The following GNB3 variants were observed in gnomAD, a reference collection of about 807,000 sequenced individuals.
GNB3 encodes the protein guanine nucleotide-binding protein G(I)/G(S)/G(T) subunit beta-3.
GNB3 carries 33 observed loss-of-function variants against 41.2 expected under a neutral mutation model. The ratio of observed to expected loss-of-function variants is 0.80; its 90% confidence interval spans 0.61 to 1.07. GNB3 has a LOEUF of 1.07. GNB3 is among the 50% of genes least tolerant of loss of function. The pLI is 0.00. For synonymous variants in GNB3, 172 were observed against 173.4 expected, an observed-to-expected ratio of 0.99 and a Z score of 0.06; for missense variants, 409 against 455.3, an observed-to-expected ratio of 0.90 and a Z score of 0.92.
chr12:6,846,670 T>TC, intron 9 of GNB3, 122 bp from the exon 10 acceptor site: 1 of 629,370 alleles, frequency 1.6e-6, no homozygotes, highest in Non-Finnish European at 2.9e-6. Flanking sequence ...TGCACACATA[T>TC]CCCCCCACAC....
Position 6,847,257 on chromosome 12 carries a change from G to A in GNB3, c.*359G>A, listed in dbSNP as rs1943725247. On this transcript the variant is annotated 3_prime_UTR_variant, in exon 10 of 10. Transcript: ENST00000229264. ...AGCCACTACCTTTGTCCAGGCCTGGGTGGTATAGGGCGTTTGGCCCTGTGA... is the reference window on the plus strand; with the variant it reads ...AGCCACTACCTTTGTCCAGGCCTGGATGGTATAGGGCGTTTGGCCCTGTGA... The A allele has an allele frequency of 3.5e-6, 1 of 288,894 alleles. No individual in the cohort carries two copies. The highest frequency in any genetic ancestry group is 6.6e-6 in the Non-Finnish European group (1 of 150,478). 17.9% of individuals were successfully genotyped at this position (288,894 alleles called of 1,614,324 possible). A position where few individuals can be genotyped will look rare whatever the true frequency, so the allele number is the denominator to read the frequency against.
At chr12:6,844,916 T>C (rs1555124230) in intron 8 of GNB3, 2 of 152,272 alleles carry the variant, frequency 1.3e-5, no homozygotes, top group African/African-American at 4.8e-5. Context: ...TGTATGATTC[T>C]TAAGATCAGG....
Position 6,840,972 on chromosome 12 carries a change from G to A in GNB3, c.-92G>A, listed in dbSNP as rs1555123225. The A allele has an allele frequency of 4.4e-6, 2 of 451,098 alleles. No individual in the cohort carries two copies. Among genetic ancestry groups the A allele is most frequent in the African/African-American group, 4.1e-5 (2 of 48,480 alleles). The allele number at this position is 451,098 out of a possible 1,614,324, so 27.9% of individuals were successfully genotyped here. On this transcript the variant is annotated 5_prime_UTR_variant, in exon 1 of 10. Coordinates refer to ENST00000229264, the MANE Select transcript of GNB3 (RefSeq NM_002075.4). ...GGCGGGCGCGGGCGTCGCAGCTGAG[G>A]GAGTAAGGAGGCTCCCAGGAACCGG...
At chr12:6,842,887 G>A in intron 3 of GNB3, 83 bp from the exon 4 acceptor site, 2 of 876,588 alleles carry the variant, frequency 2.3e-6, no homozygotes, top group Non-Finnish European at 1.8e-6. Flanking sequence ...CACAGAGCGG[G>A]AACTTGTATA....
intron 8 of GNB3, chr12:6,844,719 C>T (rs1408016270): frequency 6.6e-6 from 1 of 152,222 alleles, no homozygotes; most frequent in Non-Finnish European, 1.5e-5. Context: ...CCACGCCTAG[C>T]CCATTTTATC....
At chr12:6,844,092 T>A in intron 8 of GNB3, 114 bp downstream of exon 8, 1 of 335,336 alleles carries the variant, frequency 3.0e-6, no homozygotes, top group Non-Finnish European at 4.6e-6. Flanking sequence ...TTTCTTACTG[T>A]ATTTTTTTTT....
chr12:6,845,478 C>A, intron 8 of GNB3, 108 bp from the exon 9 acceptor site: 1 of 715,868 alleles, frequency 1.4e-6, no homozygotes, highest in Non-Finnish European at 2.4e-6. Flanking sequence ...GGCAGGGAGG[C>A]TGAGAGCAGC....
chr12:6,845,549 G>A (rs1555124432), intron 8 of GNB3, 37 bp from the exon 9 acceptor site: 3 of 1,478,604 alleles, frequency 2.0e-6, no homozygotes, highest in East Asian at 4.5e-5. Context: ...GGCTGCCCAG[G>A]TCTGATCCCT....
At chr12:6,844,099 T>G in intron 8 of GNB3, 121 bp downstream of exon 8, 1 of 577,952 alleles carries the variant, frequency 1.7e-6, no homozygotes. Context: ...CTGTATTTTT[T>G]TTTTTTTTTT....
chr12:6,843,913 G>T lies in GNB3; in HGVS notation c.634G>T (p.Asp212Tyr). 6.2e-7 allele frequency: 1 copy of T among 1,613,964 alleles called. No individual in the cohort carries two copies. Among genetic ancestry groups the T allele is most frequent in the Non-Finnish European group, 8.5e-7 (1 of 1,180,000 alleles). ...GACDASAKLWDVREGTCRQTF... is the reference protein window; with the variant it reads ...GACDASAKLWYVREGTCRQTF... ...CTGTGATGCCAGTGCCAAGCTCTGG[G>T]ATGTGCGAGAGGGGACCTGCCGTCA... The change falls in exon 8 of 10, where the codon GAT becomes TAT. Residue 212 changes from aspartate to tyrosine, a missense_variant. Asp to Tyr is a radical substitution (Grantham distance 160). Transcript: ENST00000229264. The surrounding 1 kb of genome is among the most constrained non-coding windows in gnomAD (Gnocchi z 5.9).
Position 6,841,014 on chromosome 12 carries a change from G to A in GNB3, c.-50G>A, listed in dbSNP as rs184754650. On this transcript the variant is annotated 5_prime_UTR_variant, in exon 1 of 10. Transcript: ENST00000229264. ...AGGAACCGGAGCTGGAAACCCGGCC[G>A]AGGTCCAGCCAGAGCCCAAGTAAGA... 7.6e-5 allele frequency: 39 copies of A among 511,734 alleles called. No individual in the cohort carries two copies. The Admixed American group carries it at 1.1e-3, about 15-fold the overall frequency. The allele number at this position is 511,734 out of a possible 1,614,324, so 31.7% of individuals were successfully genotyped here. A position where few individuals can be genotyped will look rare whatever the true frequency, so the allele number is the denominator to read the frequency against.
rs1943723616 is a variant in GNB3, at chr12:6,847,203, G to A, written c.*305G>A. The stretch of plus-strand genomic sequence containing the variant: ...GCAGGCCCAGCAGACTTGAGTCTGA[G>A]GCCCCAGGCCCTAGGATTCCTCCCC... On this transcript the variant is annotated 3_prime_UTR_variant, in exon 10 of 10. Coordinates refer to ENST00000229264, the MANE Select transcript of GNB3 (RefSeq NM_002075.4). 1 of 362,724 alleles carries A rather than the reference G, an allele frequency of 2.8e-6. No homozygotes were observed. Among genetic ancestry groups the A allele is most frequent in the Admixed American group, 4.0e-5 (1 of 24,996 alleles). The allele number at this position is 362,724 out of a possible 1,614,324, so 22.5% of individuals were successfully genotyped here.
chr12:6,842,938 C>A (rs148868065), intron 3 of GNB3, 32 bp from the exon 4 acceptor site: 35 of 1,402,118 alleles, frequency 2.5e-5, no homozygotes, highest in Middle Eastern at 3.7e-4. Flanking sequence ...GTAACCTGCT[C>A]ACCCTGATAT....
Position 6,842,958 on chromosome 12 carries a change from C to G in GNB3, c.97-12C>G, listed in dbSNP as rs374659413. On this transcript the variant is annotated splice_polypyrimidine_tract_variant and intron_variant, in intron 3 of 9. Transcript: ENST00000229264. ...CTGCTCACCCTGATATTCAGTGCCC[C>G]TCTCTCTGCAGCTGGTGTCTGGCCT... The G allele has an allele frequency of 6.6e-7, 1 of 1,519,718 alleles. No individual in the cohort carries two copies. The allele number at this position is 1,519,718 out of a possible 1,614,324, so 94.1% of individuals were successfully genotyped here.
intron 3 of GNB3, chr12:6,841,836 C>T (rs1266687480): frequency 4.3e-6 from 3 of 695,258 alleles, no homozygotes; most frequent in African/African-American, 1.8e-5. Flanking sequence ...TTCCTATTCT[C>T]ATCCGTAGAA....
rs1943624936 is a variant in GNB3, at chr12:6,843,831, G to A, written c.552G>A (p.Thr184=). 2 of 1,614,022 alleles carry A rather than the reference G, an allele frequency of 1.2e-6. No individual in the cohort carries two copies. The highest frequency in any genetic ancestry group is 2.2e-5 in the East Asian group (1 of 44,878). The part of the protein sequence containing the change: ...GQQKTVFVGH[T]GDCMSLAVSP... ...AGAAGACTGTATTTGTGGGACACAC[G>A]GGTGACTGCATGAGCCTGGCTGTGT... Residue 184 remains threonine (T), a synonymous_variant, in exon 8 of 10, where the codon ACG becomes ACA. Transcript: ENST00000229264. This position sits in a 1 kb window ranked among gnomAD's most constrained non-coding sequence, Gnocchi z 5.9.
At position 6,843,123 on chromosome 12, in the gene GNB3, G is replaced by A. The variant is rs1943605560; in HGVS notation, c.203+47G>A. On this transcript the variant is annotated intron_variant, in intron 4 of 9. Transcript: ENST00000229264. This position sits in a 1 kb window ranked among gnomAD's most constrained non-coding sequence, Gnocchi z 5.9. ...AGAATGGGAGGGTGAGAGCGGGAGT[G>A]AGGAAGGCGGGAAGGGGAGGCTTGC... is the stretch of plus-strand genomic sequence containing the variant. 3.1e-6 allele frequency: 5 copies of A among 1,606,526 alleles called. No homozygotes were observed. Among genetic ancestry groups the A allele is most frequent in the East Asian group, 4.5e-5 (2 of 44,822 alleles).
At chr12:6,846,754 C>A in intron 9 of GNB3, 38 bp from the exon 10 acceptor site, 2 of 1,224,056 alleles carry the variant, frequency 1.6e-6, no homozygotes, top group Non-Finnish European at 2.4e-6. Context: ...TCCAAATCAG[C>A]TTGGAGAGAC....
chr12:6,841,226 G>T (rs782218646), intron 1 of GNB3, 32 bp from the exon 2 acceptor site: 109 of 1,406,604 alleles, frequency 7.7e-5, no homozygotes, highest in Middle Eastern at 5.4e-4. Context: ...CTGGTGGGGG[G>T]TTCCTCAACA....
Sources: gnomAD v4.1 joint callset for allele counts on GRCh38, gnomAD v4.1.1 for gene constraint, Gnocchi (gnomAD v3.1) non-coding constraint, MANE v1.5 for transcripts, NCBI Gene and HGNC (gene_info 2026-07-23, HGNC 2026-07-21) for gene names.